The following NPIPB2 variants were observed in gnomAD, a reference collection of about 807,000 sequenced individuals.
NPIPB2 encodes nuclear pore complex interacting protein family member B2.
NPIPB2 carries 27 observed loss-of-function variants against 30.8 expected under a neutral mutation model. The observed-to-expected ratio is 0.88, with a 90% confidence interval of 0.65 to 1.21. The LOEUF is 1.21. Ranked by LOEUF, NPIPB2 falls within the 50% of genes most tolerant of loss-of-function variation. NPIPB2 has a pLI of 0.00. For missense variants in NPIPB2, 440 were observed against 446.2 expected (o/e 0.99, Z 0.13); for synonymous variants, 147 against 162.0 (o/e 0.91, Z 0.70).
chr16:11,950,111 T>C (rs932873355), intron 1 of NPIPB2, among the ~76,000 whole-genome samples: 1 of 152,084 alleles, frequency 6.6e-6, no homozygotes, highest in Non-Finnish European at 1.5e-5. Flanking sequence ...TCTTGGCTCA[T>C]TGTAGCCACC....
chr16:11,973,309 G>A (rs950893263), intron 1 of NPIPB2, among the ~76,000 whole-genome samples: 5 of 152,126 alleles, frequency 3.3e-5, no homozygotes, highest in East Asian at 1.9e-4. Context: ...GCCAAGAGGC[G>A]GGCTTCATTC....
At chr16:11,958,899 G>A (rs931069596) in intron 1 of NPIPB2, among the ~76,000 whole-genome samples, 1 of 152,212 alleles carries the variant, frequency 6.6e-6, no homozygotes, top group African/African-American at 2.4e-5. Flanking sequence ...GATCTCGGGA[G>A]GTGAAGATCT....
chr16:11,965,486 G>C (rs1036743739), intron 1 of NPIPB2: 7 of 1,610,504 alleles, frequency 4.3e-6, no homozygotes, highest in Non-Finnish European at 5.9e-6. Flanking sequence ...ATTATTCATT[G>C]GTGTGAACTA....
upstream of NPIPB2, among the ~76,000 whole-genome samples, chr16:11,946,919 C>T (rs2055016320): frequency 6.6e-6 from 1 of 151,510 alleles, no homozygotes; most frequent in Non-Finnish European, 1.5e-5. Flanking sequence ...GGGGTTTCAT[C>T]ATGTTGGCCA....
chr16:11,934,553 CAAAAAAAAA>C (rs1184843851), intron 2 of NPIPB2, among the ~76,000 whole-genome samples: 1 of 73,020 alleles, frequency 1.4e-5, no homozygotes, highest in Non-Finnish European at 2.5e-5. Flanking sequence ...AACTCTGTCT[CAAAAAAAAA>C]AAAAAAAAAA....
Position 11,972,608 on chromosome 16 carries a change from C to T in NPIPB2, c.-584+3960G>A, listed in dbSNP as rs554641734. On this transcript the variant is annotated intron_variant, in intron 1 of 5. Transcript: ENST00000538896. ...AAGAAAAAAAAGCTAGGTGTGGTGG[C>T]TCACGCCTGTAATCCCAGCACTTTG... Among the ~76,000 whole-genome samples the T allele has an allele frequency of 2.0e-5, 3 of 152,130 alleles. No individual in the cohort carries two copies. In the South Asian group the frequency reaches 6.2e-4, roughly 32 times the overall value.
At chr16:11,949,503 A>G (rs1264599859) in intron 1 of NPIPB2, among the ~76,000 whole-genome samples, 1 of 152,212 alleles carries the variant, frequency 6.6e-6, no homozygotes, top group Non-Finnish European at 1.5e-5. Flanking sequence ...GATTTCTGCT[A>G]TTCAAATGCA....
chr16:11,937,695 A>T, intron 1 of NPIPB2, 27 bp from the exon 2 acceptor site: 1 of 1,597,156 alleles, frequency 6.3e-7, no homozygotes, highest in Non-Finnish European at 8.5e-7. Flanking sequence ...TGAAATAATG[A>T]AAAGGTCAAT....
At chr16:11,975,326 T>G (rs556614500) in intron 1 of NPIPB2, among the ~76,000 whole-genome samples, 56 of 144,192 alleles carry the variant, frequency 3.9e-4, no homozygotes, top group African/African-American at 1.3e-3. Flanking sequence ...TTTTTGTATT[T>G]TTAGTAGAGA....
At chr16:11,944,102 A>G (rs1007513624), upstream of NPIPB2, among the ~76,000 whole-genome samples, 8 of 151,136 alleles carry the variant, frequency 5.3e-5, no homozygotes, top group African/African-American at 1.9e-4. Flanking sequence ...ATTTTAAAAC[A>G]TGAGGTGAAG....
At chr16:11,934,046 G>A in intron 2 of NPIPB2, 122 bp from the exon 3 acceptor site, 1 of 705,462 alleles carries the variant, frequency 1.4e-6, no homozygotes. Context: ...GCCTGGCCAA[G>A]ATGGTGAAAC....
intron 1 of NPIPB2, among the ~76,000 whole-genome samples, chr16:11,972,005 G>T (rs1264110292): frequency 1.3e-5 from 2 of 151,962 alleles, no homozygotes; most frequent in African/African-American, 4.8e-5. Context: ...AATTAGCCGG[G>T]TGTGGTGGCA....
chr16:11,976,143 C>G (rs1357418856), intron 1 of NPIPB2, among the ~76,000 whole-genome samples: 6 of 151,784 alleles, frequency 4.0e-5, no homozygotes, highest in Admixed American at 2.0e-4. Flanking sequence ...TCTCACTCAC[C>G]CTCTCGAACT....
chr16:11,965,250 T>G (rs2055184302), intron 1 of NPIPB2: 1 of 1,580,602 alleles, frequency 6.3e-7, no homozygotes, highest in African/African-American at 1.4e-5. Context: ...GCATTTGCTC[T>G]GGAATTCTTG....
At chr16:11,944,692 G>C (rs1340786400), upstream of NPIPB2, among the ~76,000 whole-genome samples, 3 of 120,938 alleles carry the variant, frequency 2.5e-5, no homozygotes, top group South Asian at 5.4e-4. Context: ...GAACCTGGGA[G>C]ATGGAGTTTG....
chr16:11,937,163 A>C (rs1351813535), intron 2 of NPIPB2, among the ~76,000 whole-genome samples: 3 of 152,180 alleles, frequency 2.0e-5, no homozygotes, highest in Admixed American at 2.0e-4. Context: ...TCATTTCTGC[A>C]GTGAATCTTC....
intron 1 of NPIPB2, among the ~76,000 whole-genome samples, chr16:11,955,762 C>G (rs1404598893): frequency 6.6e-6 from 1 of 150,872 alleles, no homozygotes; most frequent in East Asian, 1.9e-4. Context: ...TGCCACTCCT[C>G]CTCCCACCTC....
At chr16:11,948,071 C>T (rs1293405136) in intron 1 of NPIPB2, among the ~76,000 whole-genome samples, 1 of 150,734 alleles carries the variant, frequency 6.6e-6, no homozygotes, top group East Asian at 2.0e-4. Flanking sequence ...TACTTCTCTG[C>T]CCACTATGGC....
intron 1 of NPIPB2, among the ~76,000 whole-genome samples, chr16:11,947,233 G>GGTT: frequency 6.8e-6 from 1 of 147,210 alleles, no homozygotes; most frequent in East Asian, 2.0e-4. Flanking sequence ...GAAGGTGTGA[G>GGTT]CCACCATGCC....
Sources: gnomAD v4.1 joint callset for allele counts (sites outside exome capture counted in the v4.1 genomes callset) on GRCh38, gnomAD v4.1.1 for gene constraint, MANE v1.5 for transcripts, NCBI Gene and HGNC (gene_info 2026-07-23, HGNC 2026-07-21) for gene names.